Variants in LKAAEAR1 observed in about 807,000 individuals in gnomAD.
The protein encoded by LKAAEAR1 is protein LKAAEAR1.
In LKAAEAR1, 19 loss-of-function variants were observed where a neutral mutation model predicts 16.5. That is an observed-to-expected ratio of 1.15 (90% CI 0.80 to 1.69). The LOEUF (loss-of-function observed/expected upper bound fraction) is 1.69, where lower values mean the gene tolerates loss of function less well. Ranked by LOEUF, LKAAEAR1 falls within the 40% of genes most tolerant of loss-of-function variation. The probability of loss-of-function intolerance (pLI) is 0.00; values close to 1 mark genes in which losing one functional copy is unlikely to be tolerated. For synonymous variants in LKAAEAR1, 124 were observed against 152.7 expected (o/e 0.81, Z 1.39); for missense variants, 304 against 315.8 (o/e 0.96, Z 0.28).
In LKAAEAR1 at chr20:64,083,961, C is replaced by G; in HGVS notation, c.259G>C (p.Gly87Arg). 1 of 1,465,784 alleles carries G rather than the reference C, an allele frequency of 6.8e-7. No individual in the cohort carries two copies. Among genetic ancestry groups the G allele is most frequent in the Non-Finnish European group, 9.0e-7 (1 of 1,115,740 alleles). The allele number at this position is 1,465,784 out of a possible 1,614,324, so 90.8% of individuals were successfully genotyped here. ...GGGCGCGGGTCGGGCATGCGGTACC[C>G]CGGTTCCACCGACCCGCACGGGAAG... ...STFPCGSVEPGYRMPDPRPWT... is the reference protein window; with the variant it reads ...STFPCGSVEPRYRMPDPRPWT... Residue 87 changes from glycine (G) to arginine (R), a missense_variant, in exon 1 of 3, where the codon GGG (glycine) becomes CGG (arginine). Transcript: ENST00000302096. This position sits in a 1 kb window ranked among gnomAD's most constrained non-coding sequence, Gnocchi z 4.9.
chr20:64,084,451 A>C, upstream of LKAAEAR1: 1 of 1,111,272 alleles, frequency 9.0e-7, no homozygotes, highest in African/African-American at 1.6e-5. Context: ...TCAGTCCTGC[A>C]GTCAACTAGG....
upstream of LKAAEAR1, chr20:64,084,507 G>T: frequency 1.4e-6 from 1 of 701,936 alleles, no homozygotes; most frequent in Non-Finnish European, 1.9e-6. Context: ...CCTACCCGAT[G>T]GACTGTTCTG....
Position 64,084,229 on chromosome 20 carries a change from C to T in LKAAEAR1, c.-10G>A. The T allele has an allele frequency of 7.2e-7, 1 of 1,383,702 alleles. No individual in the cohort carries two copies. Among genetic ancestry groups the T allele is most frequent in the Non-Finnish European group, 9.3e-7 (1 of 1,076,350 alleles). The allele number at this position is 1,383,702 out of a possible 1,614,324, so 85.7% of individuals were successfully genotyped here. A position where few individuals can be genotyped will look rare whatever the true frequency, so the allele number is the denominator to read the frequency against. On this transcript the variant is annotated 5_prime_UTR_variant, in exon 1 of 3. Coordinates refer to ENST00000302096, the MANE Select transcript of LKAAEAR1 (RefSeq NM_001353425.2). ...TCGCTGGCGGCGGCATCCTCCCGCC[C>T]TGCGGAGGGAGGAGGGCGTCCCGTC...
chr20:64,083,923 C>A lies in LKAAEAR1; in HGVS notation c.297G>T (p.Ser99=), dbSNP rs1202671325. 6.9e-7 allele frequency: 1 copy of A among 1,452,004 alleles called. No individual in the cohort carries two copies. Among genetic ancestry groups the A allele is most frequent in the Admixed American group, 2.6e-5 (1 of 38,968 alleles). The allele number at this position is 1,452,004 out of a possible 1,614,324, so 89.9% of individuals were successfully genotyped here. Residue 99 remains serine (S), a synonymous_variant, in exon 1 of 3, where the codon TCG becomes TCT. Coordinates refer to ENST00000302096, the MANE Select transcript of LKAAEAR1 (RefSeq NM_001353425.2). This position sits in a 1 kb window ranked among gnomAD's most constrained non-coding sequence, Gnocchi z 4.9. The part of the protein sequence containing the change: ...RMPDPRPWTQ[S]LELPAERQNR... ...TCTGGCGCTCGGCGGGCAGCTCGAGCGACTGCGTCCACGGGCGCGGGTCGG... is the reference window on the plus strand; with the variant it reads ...TCTGGCGCTCGGCGGGCAGCTCGAGAGACTGCGTCCACGGGCGCGGGTCGG...
In LKAAEAR1 at chr20:64,083,581, A is replaced by G. The variant is rs747635263; in HGVS notation, c.525+2T>C. 6.6e-7 allele frequency: 1 copy of G among 1,509,558 alleles called. No individual in the cohort carries two copies. The highest frequency in any genetic ancestry group is 8.9e-7 in the Non-Finnish European group (1 of 1,128,354). 93.5% of individuals were successfully genotyped at this position (1,509,558 alleles called of 1,614,324 possible). A position where few individuals can be genotyped will look rare whatever the true frequency, so the allele number is the denominator to read the frequency against. The stretch of plus-strand genomic sequence containing the variant: ...CCCGCCCCTACCGGGGCTTGTCTGC[A>G]CCTCTTGGCGGTCCAGGGGGTCCGG... On this transcript the variant is annotated splice_donor_variant, in intron 2 of 2. Coordinates refer to ENST00000302096, the MANE Select transcript of LKAAEAR1 (RefSeq NM_001353425.2). LOFTEE classifies it high-confidence loss of function. This position sits in a 1 kb window ranked among gnomAD's most constrained non-coding sequence, Gnocchi z 4.9.
chr20:64,084,179 CGCG>C lies in LKAAEAR1; in HGVS notation c.38_40del (p.Pro13del). 1.4e-6 allele frequency: 2 copies of C among 1,449,306 alleles called. No individual in the cohort carries two copies. Among genetic ancestry groups the C allele is most frequent in the Non-Finnish European group, 1.8e-6 (2 of 1,108,602 alleles). The allele number at this position is 1,449,306 out of a possible 1,614,324, so 89.8% of individuals were successfully genotyped here. On this transcript the variant is annotated inframe_deletion, in exon 1 of 3. Coordinates refer to ENST00000302096, the MANE Select transcript of LKAAEAR1 (RefSeq NM_001353425.2). ...TGGCGCGCTCTTCCCGCTTCGCTCC[CGCG>C]GGCCCTTGCGCCCGCCCTCCTTCGC... is the stretch of plus-strand genomic sequence containing the variant.
Position 64,084,293 on chromosome 20 carries a change from C to A in LKAAEAR1, c.-74G>T. 7.7e-7 allele frequency: 1 copy of A among 1,304,774 alleles called. No homozygotes were observed. The highest frequency in any genetic ancestry group is 9.7e-7 in the Non-Finnish European group (1 of 1,029,738). The allele number at this position is 1,304,774 out of a possible 1,614,324, so 80.8% of individuals were successfully genotyped here. On this transcript the variant is annotated 5_prime_UTR_variant, in exon 1 of 3. Coordinates refer to ENST00000302096, the MANE Select transcript of LKAAEAR1 (RefSeq NM_001353425.2). ...GCACCGGGCCCTGCCCGCCCCTCGGCAGGGCCCCAACGTGCGCCCCAGCTC... is the reference window on the plus strand; with the variant it reads ...GCACCGGGCCCTGCCCGCCCCTCGGAAGGGCCCCAACGTGCGCCCCAGCTC...
chr20:64,084,144 G>C lies in LKAAEAR1; in HGVS notation c.76C>G (p.Gln26Glu), dbSNP rs1054074948. The C allele has an allele frequency of 6.9e-7, 1 of 1,459,638 alleles. No individual in the cohort carries two copies. The highest frequency in any genetic ancestry group is 1.5e-5 in the African/African-American group (1 of 67,752). 90.4% of individuals were successfully genotyped at this position (1,459,638 alleles called of 1,614,324 possible). A position where few individuals can be genotyped will look rare whatever the true frequency, so the allele number is the denominator to read the frequency against. The change falls in exon 1 of 3, where the codon CAG (glutamine) becomes GAG (glutamate). Residue 26 changes from glutamine (Q) to glutamate (E), a missense_variant. Physicochemically the swap from Gln to Glu is conservative, Grantham distance 29. Coordinates refer to ENST00000302096, the MANE Select transcript of LKAAEAR1 (RefSeq NM_001353425.2). Reference sequence around the variant, plus strand: ...GCCCCCTTGGCACGCTCCTCACCCTGCGCCGTGCCTGGCGCGCTCTTCCCG... The same window carrying C: ...GCCCCCTTGGCACGCTCCTCACCCTCCGCCGTGCCTGGCGCGCTCTTCCCG... ...RSGKSAPGTA[Q>E]GEERAKGAPA...
At chr20:64,084,760 C>T (rs757235840), upstream of LKAAEAR1, among the ~76,000 whole-genome samples, 3 of 152,184 alleles carry the variant, frequency 2.0e-5, no homozygotes, top group Admixed American at 6.5e-5. Context: ...CCTCCCTTCC[C>T]GGCCCCAGCC....
In LKAAEAR1 at chr20:64,084,279, T is replaced by TGCCCGCCCCTCGGCAGGGCCCC; in HGVS notation, c.-82_-61dup. 7.6e-7 allele frequency: 1 copy of TGCCCGCCCCTCGGCAGGGCCCC among 1,313,556 alleles called. No individual in the cohort carries two copies. Among genetic ancestry groups the TGCCCGCCCCTCGGCAGGGCCCC allele is most frequent in the Non-Finnish European group, 9.7e-7 (1 of 1,035,012 alleles). 81.4% of individuals were successfully genotyped at this position (1,313,556 alleles called of 1,614,324 possible). ...CGGTGCCGGGGCTGGCACCGGGCCC[T>TGCCCGCCCCTCGGCAGGGCCCC]GCCCGCCCCTCGGCAGGGCCCCAAC... On this transcript the variant is annotated 5_prime_UTR_variant, in exon 1 of 3. Transcript: ENST00000302096.
At chr20:64,084,775 G>A (rs907203456), upstream of LKAAEAR1, among the ~76,000 whole-genome samples, 2 of 152,188 alleles carry the variant, frequency 1.3e-5, no homozygotes, top group Non-Finnish European at 2.9e-5. Flanking sequence ...CCAGCCTACA[G>A]CTGCCACCTT....
Position 64,083,797 on chromosome 20 carries a change from C to T in LKAAEAR1, c.402+21G>A. On this transcript the variant is annotated intron_variant, in intron 1 of 2. Coordinates refer to ENST00000302096, the MANE Select transcript of LKAAEAR1 (RefSeq NM_001353425.2). This position sits in a 1 kb window ranked among gnomAD's most constrained non-coding sequence, Gnocchi z 4.9. The stretch of plus-strand genomic sequence containing the variant: ...AACGCTCCCGGTGCGCCCCCTCTGC[C>T]CTCCGACCCCCTCGCCTCACCCGCA... The T allele has an allele frequency of 1.5e-6, 2 of 1,341,342 alleles. No individual in the cohort carries two copies. The highest frequency in any genetic ancestry group is 1.9e-6 in the Non-Finnish European group (2 of 1,052,548). 83.1% of individuals were successfully genotyped at this position (1,341,342 alleles called of 1,614,324 possible).
At position 64,083,815 on chromosome 20, in the gene LKAAEAR1, C is replaced by T; in HGVS notation, c.402+3G>A. 7.4e-7 allele frequency: 1 copy of T among 1,357,056 alleles called. No individual in the cohort carries two copies. Among genetic ancestry groups the T allele is most frequent in the Non-Finnish European group, 9.4e-7 (1 of 1,061,180 alleles). 84.1% of individuals were successfully genotyped at this position (1,357,056 alleles called of 1,614,324 possible). On this transcript the variant is annotated splice_donor_region_variant and intron_variant, in intron 1 of 2. Transcript: ENST00000302096. This position sits in a 1 kb window ranked among gnomAD's most constrained non-coding sequence, Gnocchi z 4.9. Reference sequence around the variant, plus strand: ...CCTCTGCCCTCCGACCCCCTCGCCTCACCCGCATGCGGGTGTAGCGCAGCC... The same window carrying T: ...CCTCTGCCCTCCGACCCCCTCGCCTTACCCGCATGCGGGTGTAGCGCAGCC...
chr20:64,083,488 G>C lies in LKAAEAR1; in HGVS notation c.532C>G (p.Arg178Gly). 1 of 1,592,598 alleles carries C rather than the reference G, an allele frequency of 6.3e-7. No homozygotes were observed. Among genetic ancestry groups the C allele is most frequent in the Non-Finnish European group, 8.5e-7 (1 of 1,170,916 alleles). Residue 178 changes from arginine to glycine, a missense_variant, in exon 3 of 3, where the codon CGC becomes GGC. Arg to Gly is a moderately radical substitution (Grantham distance 125). Transcript: ENST00000302096. This position sits in a 1 kb window ranked among gnomAD's most constrained non-coding sequence, Gnocchi z 4.9. ...TTCTCCTCCAGGATGGTCTCCACGC[G>C]CCTCCGCTGCCGGGGAGAGAGGCTG... ...PDPLDRQERRRVETILEENVD... is the reference protein window; with the variant it reads ...PDPLDRQERRGVETILEENVD...
At position 64,084,393 on chromosome 20, in the gene LKAAEAR1, C is replaced by T. The variant is rs895086909; in HGVS notation, c.-174G>A. The T allele has an allele frequency of 4.3e-5, 55 of 1,273,676 alleles. No homozygotes were observed. Among genetic ancestry groups the T allele is most frequent in the Non-Finnish European group, 5.1e-5 (52 of 1,012,540 alleles). 78.9% of individuals were successfully genotyped at this position (1,273,676 alleles called of 1,614,324 possible). Reference sequence around the variant, plus strand: ...TCTGAGCTTTGCCCAGGCGCTCTCCCTCTCCCAAGCGCACGTCCCCAGCAG... The same window carrying T: ...TCTGAGCTTTGCCCAGGCGCTCTCCTTCTCCCAAGCGCACGTCCCCAGCAG... On this transcript the variant is annotated 5_prime_UTR_variant, in exon 1 of 3. Transcript: ENST00000302096.
In LKAAEAR1 at chr20:64,084,100, G is replaced by GA. The variant is rs763668148; in HGVS notation, c.119_120insT (p.Lys41GlnfsTer172). The GA allele has an allele frequency of 6.8e-7, 1 of 1,477,804 alleles. No homozygotes were observed. The highest frequency in any genetic ancestry group is 1.3e-5 in the South Asian group (1 of 77,932). The allele number at this position is 1,477,804 out of a possible 1,614,324, so 91.5% of individuals were successfully genotyped here. ...GCGGCGTCAGGGCCCAGCCCGGCTT[G>GA]GGGGGCTCTGTCGCGGGCGCCCCCT... On this transcript the variant is annotated frameshift_variant, in exon 1 of 3. Coordinates refer to ENST00000302096, the MANE Select transcript of LKAAEAR1 (RefSeq NM_001353425.2). LOFTEE classifies it high-confidence loss of function.
chr20:64,084,841 G>A (rs2060025243), upstream of LKAAEAR1, among the ~76,000 whole-genome samples: 1 of 152,214 alleles, frequency 6.6e-6, no homozygotes, highest in Non-Finnish European at 1.5e-5. Context: ...CAGCCCCAGC[G>A]GCGGCTAACG....
In LKAAEAR1 at chr20:64,084,225, C is replaced by A; in HGVS notation, c.-6G>T. ...TCCTTCGCTGGCGGCGGCATCCTCC[C>A]GCCCTGCGGAGGGAGGAGGGCGTCC... is the stretch of plus-strand genomic sequence containing the variant. On this transcript the variant is annotated 5_prime_UTR_variant, in exon 1 of 3. Transcript: ENST00000302096. 1.4e-6 allele frequency: 2 copies of A among 1,389,132 alleles called. No homozygotes were observed. The highest frequency in any genetic ancestry group is 3.2e-5 in the South Asian group (2 of 62,992). 86.1% of individuals were successfully genotyped at this position (1,389,132 alleles called of 1,614,324 possible).
At position 64,083,894 on chromosome 20, in the gene LKAAEAR1, C is replaced by G; in HGVS notation, c.326G>C (p.Arg109Pro). Residue 109 changes from arginine (R) to proline (P), a missense_variant, in exon 1 of 3, where the codon CGG (arginine) becomes CCG (proline). Transcript: ENST00000302096. This position sits in a 1 kb window ranked among gnomAD's most constrained non-coding sequence, Gnocchi z 4.9. ...CGCTGCCTTGAGGACGCCGAGGAGCCGGTTCTGGCGCTCGGCGGGCAGCTC... is the reference window on the plus strand; with the variant it reads ...CGCTGCCTTGAGGACGCCGAGGAGCGGGTTCTGGCGCTCGGCGGGCAGCTC... ...SLELPAERQNRLLGVLKAAEA... is the reference protein window; with the variant it reads ...SLELPAERQNPLLGVLKAAEA... 6.9e-7 allele frequency: 1 copy of G among 1,442,152 alleles called. No individual in the cohort carries two copies. The highest frequency in any genetic ancestry group is 9.1e-7 in the Non-Finnish European group (1 of 1,103,950). The allele number at this position is 1,442,152 out of a possible 1,614,324, so 89.3% of individuals were successfully genotyped here. A position where few individuals can be genotyped will look rare whatever the true frequency, so the allele number is the denominator to read the frequency against.
Sources: allele counts gnomAD v4.1 joint callset (sites outside exome capture counted in the v4.1 genomes callset), GRCh38; gene constraint gnomAD v4.1.1; non-coding constraint Gnocchi (gnomAD v3.1); transcripts MANE v1.5; gene names NCBI Gene and HGNC (gene_info 2026-07-23, HGNC 2026-07-21).